PLOD2: variants seen among roughly 807,000 people sequenced by gnomAD.
The protein encoded by PLOD2 is lysine hydroxylase 2.
Under a neutral mutation model 101.0 loss-of-function variants are expected in PLOD2, and 65 were observed. The ratio of observed to expected loss-of-function variants is 0.64; its 90% CI spans 0.53 to 0.79. The LOEUF (loss-of-function observed/expected upper bound fraction) is 0.79. PLOD2 is among the 30% of genes least tolerant of loss of function. PLOD2 has a pLI of 0.00. For synonymous variants in PLOD2, 314 were observed against 302.9 expected (o/e 1.04, Z -0.38); for missense variants, 909 against 914.6 (o/e 0.99, Z 0.08).
chr3:146,093,172 A>T (rs1576586848), intron 7 of PLOD2, among the ~76,000 whole-genome samples: 1 of 152,194 alleles, frequency 6.6e-6, no homozygotes, highest in Non-Finnish European at 1.5e-5. Context: ...AATATTTGGG[A>T]TCCTGTTCAA....
At chr3:146,119,920 T>C (rs987109385) in intron 3 of PLOD2, among the ~76,000 whole-genome samples, 2 of 152,172 alleles carry the variant, frequency 1.3e-5, no homozygotes, top group African/African-American at 2.4e-5. Context: ...CATGTGTCTT[T>C]ATAGCAGCAT....
chr3:146,121,155 G>A lies in PLOD2; in HGVS notation c.295C>T (p.His99Tyr). The part of the protein sequence containing the change: ...KVRLMKEVME[H>Y]YADQDDLVVM... ...ACCAGATCATCTTGATCAGCATAGT[G>A]TTCCATGACTTCTTTCATTAATCTC... is the stretch of plus-strand genomic sequence containing the variant. The change falls in exon 3 of 20, where the codon CAC becomes TAC. Residue 99 changes from histidine to tyrosine, a missense_variant. Physicochemically the swap from His to Tyr is moderately conservative, Grantham distance 83. Coordinates refer to ENST00000282903, the MANE Select transcript of PLOD2 (RefSeq NM_182943.3). 2 of 1,608,130 alleles carry A rather than the reference G, an allele frequency of 1.2e-6. No homozygotes were observed. The highest frequency in any genetic ancestry group is 1.7e-6 in the Non-Finnish European group (2 of 1,174,782).
chr3:146,155,048 T>C (rs1215818062), intron 1 of PLOD2, among the ~76,000 whole-genome samples: 1 of 152,214 alleles, frequency 6.6e-6, no homozygotes, highest in Non-Finnish European at 1.5e-5. Flanking sequence ...AATTATAAAC[T>C]ATTTTTTGAA....
At chr3:146,145,022 T>C (rs2031711929) in intron 1 of PLOD2, among the ~76,000 whole-genome samples, 1 of 152,148 alleles carries the variant, frequency 6.6e-6, no homozygotes, top group South Asian at 2.1e-4. Flanking sequence ...TCATTAGATC[T>C]ACCATATCCT....
At chr3:146,155,691 G>A (rs2032273681) in intron 1 of PLOD2, among the ~76,000 whole-genome samples, 1 of 148,844 alleles carries the variant, frequency 6.7e-6, no homozygotes, top group Admixed American at 6.7e-5. Context: ...CTCCAGCCTG[G>A]GCGACAGAAC....
At chr3:146,086,194 T>A (rs141561964) in intron 10 of PLOD2, 7 of 152,448 alleles carry the variant, frequency 4.6e-5, no homozygotes, top group African/African-American at 1.4e-4. Flanking sequence ...TATTTCCTGA[T>A]GAGAATGGAT....
chr3:146,153,974 A>G (rs1016409605), intron 1 of PLOD2, among the ~76,000 whole-genome samples: 4 of 152,208 alleles, frequency 2.6e-5, no homozygotes, highest in Non-Finnish European at 5.9e-5. Context: ...TTGAGAATAT[A>G]ACCCCAAATT....
At chr3:146,127,926 A>C (rs1461414057) in intron 1 of PLOD2, among the ~76,000 whole-genome samples, 1 of 152,208 alleles carries the variant, frequency 6.6e-6, no homozygotes, top group Non-Finnish European at 1.5e-5. Context: ...AATGTAAATT[A>C]GTTCAACCTC....
At chr3:146,097,138 C>A (rs892792981) in intron 7 of PLOD2, among the ~76,000 whole-genome samples, 1 of 149,484 alleles carries the variant, frequency 6.7e-6, no homozygotes, top group Non-Finnish European at 1.5e-5. Context: ...GGGGGGTCAG[C>A]CCCCCGCCCG....
At chr3:146,157,734 T>A (rs578160214) in intron 1 of PLOD2, among the ~76,000 whole-genome samples, 6 of 152,334 alleles carry the variant, frequency 3.9e-5, no homozygotes, top group Admixed American at 3.9e-4. Context: ...ATGTCTGTTG[T>A]CATGTGAAAT....
At chr3:146,127,951 T>G (rs1405494658) in intron 1 of PLOD2, among the ~76,000 whole-genome samples, 1 of 152,130 alleles carries the variant, frequency 6.6e-6, no homozygotes, top group East Asian at 1.9e-4. Context: ...GAAAATAGTA[T>G]GGAAAGTTAT....
At chr3:146,115,817 G>A (rs1269103233) in intron 3 of PLOD2, among the ~76,000 whole-genome samples, 1 of 152,046 alleles carries the variant, frequency 6.6e-6, no homozygotes, top group Non-Finnish European at 1.5e-5. Flanking sequence ...TGACCATATT[G>A]TCTGTCACAG....
intron 15 of PLOD2, chr3:146,076,308 GGTGT>G (rs1177346638): frequency 6.5e-6 from 1 of 153,046 alleles, no homozygotes; most frequent in African/African-American, 2.4e-5. Flanking sequence ...AGTATTCTAT[GGTGT>G]GTATGTAACA....
At chr3:146,097,123 A>T (rs1230446433) in intron 7 of PLOD2, among the ~76,000 whole-genome samples, 2 of 132,486 alleles carry the variant, frequency 1.5e-5, no homozygotes, top group African/African-American at 3.0e-5. Flanking sequence ...TCCAGGAGGG[A>T]GGTGGGGGGG....
chr3:146,088,458 G>A, intron 9 of PLOD2, 128 bp downstream of exon 9: 1 of 667,138 alleles, frequency 1.5e-6, no homozygotes, highest in South Asian at 1.8e-5. Context: ...AAAAGGCAGG[G>A]CTGTAATTAC....
At chr3:146,129,167 T>C (rs1482301580) in intron 1 of PLOD2, among the ~76,000 whole-genome samples, 1 of 152,048 alleles carries the variant, frequency 6.6e-6, no homozygotes, top group Non-Finnish European at 1.5e-5. Context: ...TTCTCAACTT[T>C]CTACTAAAGA....
chr3:146,079,165 CG>C lies in PLOD2; in HGVS notation c.1450del (p.Arg484ValfsTer17). On this transcript the variant is annotated frameshift_variant, in exon 13 of 20. Coordinates refer to ENST00000282903, the MANE Select transcript of PLOD2 (RefSeq NM_182943.3). LOFTEE classifies it high-confidence loss of function. Reference sequence around the variant, plus strand: ...AGCCATATCAGGATCCAGTTTATCACGAACAAAATAGTTCCTTTCATTCATC... The same window carrying C: ...AGCCATATCAGGATCCAGTTTATCACAACAAAATAGTTCCTTTCATTCATC... Reference protein sequence around the residue: ...SEMNERNYFVRDKLDPDMALC... With the variant: ...SEMNERNYFVXDKLDPDMALC... 6.2e-7 allele frequency: 1 copy of C among 1,612,580 alleles called. No individual in the cohort carries two copies. Among genetic ancestry groups the C allele is most frequent in the Non-Finnish European group, 8.5e-7 (1 of 1,178,790 alleles).
intron 1 of PLOD2, among the ~76,000 whole-genome samples, chr3:146,156,371 T>G (rs1310754394): frequency 6.6e-6 from 1 of 152,214 alleles, no homozygotes; most frequent in Non-Finnish European, 1.5e-5. Context: ...GGCCTCATAG[T>G]CTCTGTAACT....
chr3:146,116,548 G>A (rs1937919252), intron 3 of PLOD2, among the ~76,000 whole-genome samples: 1 of 152,072 alleles, frequency 6.6e-6, no homozygotes, highest in Non-Finnish European at 1.5e-5. Flanking sequence ...CATGTTTACT[G>A]CAACACTACT....
Sources: allele counts gnomAD v4.1 joint callset (sites outside exome capture counted in the v4.1 genomes callset), GRCh38; gene constraint gnomAD v4.1.1; transcripts MANE v1.5; gene names NCBI Gene and HGNC (gene_info 2026-07-23, HGNC 2026-07-21).